Variants in USP37 observed in about 807,000 individuals in gnomAD.
The protein encoded by USP37 is ubiquitin specific peptidase 37.
A neutral mutation model predicts 124.0 loss-of-function variants in USP37; 27 were observed. The ratio of observed to expected loss-of-function variants is 0.22; its 90% CI spans 0.16 to 0.30. The LOEUF is 0.30. USP37 is among the 10% of genes least tolerant of loss of function. The probability of loss-of-function intolerance (pLI) is 1.00; values close to 1 mark genes in which losing one functional copy is unlikely to be tolerated. For missense variants in USP37, 889 were observed against 1,140.4 expected (o/e 0.78, Z 3.17); for synonymous variants, 365 against 388.0 (o/e 0.94, Z 0.70).
chr2:218,469,914 G>T (rs1200355099), intron 20 of USP37, among the ~76,000 whole-genome samples: 1 of 149,354 alleles, frequency 6.7e-6, no homozygotes, highest in Non-Finnish European at 1.5e-5. Flanking sequence ...TCTGCCTCCC[G>T]GGTTCTTGCC....
At chr2:218,554,824 T>C (rs574217408) in intron 4 of USP37, among the ~76,000 whole-genome samples, 1 of 152,230 alleles carries the variant, frequency 6.6e-6, no homozygotes, top group South Asian at 2.1e-4. Context: ...GCAAATTATT[T>C]AGGTAGTTTC....
At chr2:218,497,666 G>A in intron 13 of USP37, 68 bp downstream of exon 13, 1 of 1,591,352 alleles carries the variant, frequency 6.3e-7, no homozygotes, top group South Asian at 1.1e-5. Context: ...GCCTCCCAAA[G>A]TGCTGGAATT....
Position 218,474,894 on chromosome 2 carries a change from G to T in USP37, c.2044-9C>A. On this transcript the variant is annotated splice_polypyrimidine_tract_variant and intron_variant, in intron 19 of 25. Transcript: ENST00000258399. Reference sequence around the variant, plus strand: ...GGGCATAATTTTGAATCCTGAAGAAGAGAGTTACTTTTAGAAGAAACCAGA... The same window carrying T: ...GGGCATAATTTTGAATCCTGAAGAATAGAGTTACTTTTAGAAGAAACCAGA... 6.2e-7 allele frequency: 1 copy of T among 1,603,610 alleles called. No homozygotes were observed. Among genetic ancestry groups the T allele is most frequent in the Non-Finnish European group, 8.5e-7 (1 of 1,175,448 alleles).
At chr2:218,463,059 C>T (rs958097762) in intron 22 of USP37, among the ~76,000 whole-genome samples, 4 of 151,688 alleles carry the variant, frequency 2.6e-5, no homozygotes, top group Non-Finnish European at 5.9e-5. Context: ...TCCAGCTACT[C>T]GGGAGGCTGA....
At chr2:218,469,966 G>A (rs531176965) in intron 20 of USP37, among the ~76,000 whole-genome samples, 31 of 151,790 alleles carry the variant, frequency 2.0e-4, no homozygotes, top group Non-Finnish European at 3.7e-4. Context: ...GACTACAGGC[G>A]ACCGCCACCA....
rs142854289 is a variant in USP37, at chr2:218,499,419, A to C, written c.1026-1262T>G. Among the ~76,000 whole-genome samples, 665 of 152,174 alleles carry C rather than the reference A, an allele frequency of 4.4e-3. 2 individuals carry two copies. The highest frequency in any genetic ancestry group is 8.9e-3 in the African/African-American group (370 of 41,526). On this transcript the variant is annotated intron_variant, in intron 11 of 25. Transcript: ENST00000258399. ...TTCATCACTTAATATCCCTCTCTCT[A>C]TATATTTTTCTGAAACCATTTCAGA...
At chr2:218,550,055 A>T (rs1692578775) in intron 5 of USP37, 146 bp from the exon 6 acceptor site, 1 of 545,216 alleles carries the variant, frequency 1.8e-6, no homozygotes, top group African/African-American at 1.9e-5. Flanking sequence ...CCTATCAACC[A>T]ATTCTTTCTG....
intron 8 of USP37, 91 bp downstream of exon 8, chr2:218,546,130 T>TAAA (rs948508768): frequency 2.8e-6 from 3 of 1,086,856 alleles, no homozygotes; most frequent in Non-Finnish European, 4.0e-6. Flanking sequence ...TCTCATAAAT[T>TAAA]AAAACCATTT....
At chr2:218,500,821 T>C (rs1262034352) in intron 11 of USP37, 2 of 153,286 alleles carry the variant, frequency 1.3e-5, no homozygotes, top group African/African-American at 2.4e-5. Flanking sequence ...TTGGAGTTTC[T>C]AGCAGGGGAG....
chr2:218,517,142 T>C (rs1055596321), intron 10 of USP37, among the ~76,000 whole-genome samples: 1 of 152,240 alleles, frequency 6.6e-6, no homozygotes, highest in Non-Finnish European at 1.5e-5. Flanking sequence ...AAGTCTAATG[T>C]AGCTGACTCT....
At chr2:218,499,648 T>G (rs1689264383) in intron 11 of USP37, among the ~76,000 whole-genome samples, 2 of 152,222 alleles carry the variant, frequency 1.3e-5, no homozygotes. Context: ...CTCACTTAGG[T>G]ACAAGATTCA....
chr2:218,457,267 G>T, intron 23 of USP37, 106 bp from the exon 24 acceptor site: 1 of 1,074,910 alleles, frequency 9.3e-7, no homozygotes, highest in Non-Finnish European at 1.4e-6. Flanking sequence ...TTTGGTATGT[G>T]GCATAGTAAG....
chr2:218,492,823 A>C (rs1175429621), intron 14 of USP37, among the ~76,000 whole-genome samples: 1 of 152,150 alleles, frequency 6.6e-6, no homozygotes, highest in Non-Finnish European at 1.5e-5. Context: ...TGGGCAACAC[A>C]GTGAGAGCCC....
chr2:218,470,124 CTCA>C (rs1690592697), intron 20 of USP37, among the ~76,000 whole-genome samples: 1 of 152,108 alleles, frequency 6.6e-6, no homozygotes, highest in African/African-American at 2.4e-5. Flanking sequence ...GTGGCCTTAA[CTCA>C]ACATTCTTCC....
At chr2:218,487,641 G>A (rs1235228752) in intron 15 of USP37, among the ~76,000 whole-genome samples, 1 of 151,946 alleles carries the variant, frequency 6.6e-6, no homozygotes, top group Non-Finnish European at 1.5e-5. Flanking sequence ...GGATGATCTT[G>A]ATCTCTTGAC....
intron 3 of USP37, among the ~76,000 whole-genome samples, chr2:218,559,675 G>A (rs1159584228): frequency 1.3e-5 from 2 of 152,026 alleles, no homozygotes; most frequent in Non-Finnish European, 2.9e-5. Context: ...CTCAAAAATG[G>A]CTGGGTGCTT....
At chr2:218,482,601 C>T (rs1691322777) in intron 16 of USP37, among the ~76,000 whole-genome samples, 1 of 152,154 alleles carries the variant, frequency 6.6e-6, no homozygotes, top group Non-Finnish European at 1.5e-5. Flanking sequence ...TATATAACCA[C>T]TACTAGTAAA....
intron 8 of USP37, among the ~76,000 whole-genome samples, chr2:218,535,323 G>A (rs1010588497): frequency 2.6e-5 from 4 of 151,222 alleles, no homozygotes; most frequent in East Asian, 3.9e-4. Context: ...CCGTGATCGC[G>A]CCACTGCACT....
rs569154096 is a variant in USP37, at chr2:218,553,205, T to C, written c.328+348A>G. Among the ~76,000 whole-genome samples, 106 of 152,330 alleles carry C rather than the reference T, an allele frequency of 7.0e-4. 3 individuals carry two copies. In the South Asian group the frequency reaches 0.019, roughly 27 times the overall value. On this transcript the variant is annotated intron_variant, in intron 5 of 25. Transcript: ENST00000258399. Reference sequence around the variant, plus strand: ...TCCAGTTTTTCACCCCTAAGTACGATGTTAGCTGTAAGTTGTTGCATATGA... The same window carrying C: ...TCCAGTTTTTCACCCCTAAGTACGACGTTAGCTGTAAGTTGTTGCATATGA...
Sources: gnomAD v4.1 joint callset for allele counts (sites outside exome capture counted in the v4.1 genomes callset) on GRCh38, gnomAD v4.1.1 for gene constraint, MANE v1.5 for transcripts, NCBI Gene and HGNC (gene_info 2026-07-23, HGNC 2026-07-21) for gene names.